The following PRR5L variants were observed in gnomAD, a reference collection of about 807,000 sequenced individuals.
The protein encoded by PRR5L is proline-rich protein 5-like.
In PRR5L, 21 loss-of-function variants were observed where a neutral mutation model predicts 36.4. The observed-to-expected ratio is 0.58, with a 90% confidence interval of 0.41 to 0.83. The LOEUF (loss-of-function observed/expected upper bound fraction) is 0.83. Ranked by LOEUF, PRR5L falls within the 40% of genes least tolerant of loss-of-function variation. The pLI is 0.00. For synonymous variants in PRR5L, 188 were observed against 197.0 expected, an observed-to-expected ratio of 0.95 and a Z score of 0.38; for missense variants, 381 against 473.3, an observed-to-expected ratio of 0.80 and a Z score of 1.81.
At chr11:36,450,301 A>T (rs954232487) in intron 7 of PRR5L, among the ~76,000 whole-genome samples, 2 of 152,150 alleles carry the variant, frequency 1.3e-5, no homozygotes, top group Non-Finnish European at 2.9e-5. Context: ...TTTGCATGTT[A>T]ACCCCTTGGG....
chr11:36,374,100 T>G (rs796742818), intron 1 of PRR5L, among the ~76,000 whole-genome samples: 12,590 of 83,102 alleles, frequency 0.15, 790 homozygotes, highest in Non-Finnish European at 0.17. Context: ...CTTCCTTCCT[T>G]CCTTCCTCTC....
chr11:36,337,178 C>A (rs1265059040), intron 1 of PRR5L, among the ~76,000 whole-genome samples: 2 of 152,056 alleles, frequency 1.3e-5, no homozygotes, highest in African/African-American at 4.8e-5. Context: ...ATGGGTCATC[C>A]CCCCAAAATT....
chr11:36,339,637 T>A (rs1004711521), intron 1 of PRR5L, among the ~76,000 whole-genome samples: 1 of 152,210 alleles, frequency 6.6e-6, no homozygotes, highest in Non-Finnish European at 1.5e-5. Context: ...AGAGGTTAAG[T>A]TACTTGCCCA....
intron 3 of PRR5L, among the ~76,000 whole-genome samples, chr11:36,417,399 C>A (rs1858167344): frequency 6.6e-6 from 1 of 152,182 alleles, no homozygotes; most frequent in Non-Finnish European, 1.5e-5. Context: ...TGTTTCCTGT[C>A]TGAGAGACAT....
chr11:36,323,343 G>A (rs988134494), intron 1 of PRR5L: 3 of 152,220 alleles, frequency 2.0e-5, no homozygotes, highest in African/African-American at 7.2e-5. Context: ...TGTGTTACCT[G>A]TTACCGACCT....
intron 1 of PRR5L, among the ~76,000 whole-genome samples, chr11:36,378,062 C>T (rs1857308043): frequency 6.6e-6 from 1 of 152,072 alleles, no homozygotes; most frequent in African/African-American, 2.4e-5. Context: ...CTTTGGTGAT[C>T]CTGACCACCG....
At position 36,401,016 on chromosome 11, in the gene PRR5L, T is replaced by A; in HGVS notation, c.-106T>A. 6.7e-7 allele frequency: 1 copy of A among 1,493,214 alleles called. No homozygotes were observed. Among genetic ancestry groups the A allele is most frequent in the Admixed American group, 2.4e-5 (1 of 41,362 alleles). 92.5% of individuals were successfully genotyped at this position (1,493,214 alleles called of 1,614,324 possible). ...TTTCAGGTGTTGGCTACGTTTGTGGTTTTAAGAAAGCCTGAGGGCCTGAAG... is the reference window on the plus strand; with the variant it reads ...TTTCAGGTGTTGGCTACGTTTGTGGATTTAAGAAAGCCTGAGGGCCTGAAG... On this transcript the variant is annotated 5_prime_UTR_variant, in exon 2 of 9. Transcript: ENST00000530639.
At chr11:36,329,758 A>G (rs953910780) in intron 1 of PRR5L, among the ~76,000 whole-genome samples, 3 of 152,244 alleles carry the variant, frequency 2.0e-5, no homozygotes, top group African/African-American at 7.2e-5. Flanking sequence ...AGAGCTTGCT[A>G]TCAGACTTCA....
intron 1 of PRR5L, among the ~76,000 whole-genome samples, chr11:36,317,940 A>G (rs1856574356): frequency 6.6e-6 from 1 of 152,250 alleles, no homozygotes; most frequent in Admixed American, 6.5e-5. Context: ...TCTGATAAAC[A>G]GAAGTCTCTA....
intron 1 of PRR5L, among the ~76,000 whole-genome samples, chr11:36,374,650 A>G (rs1289521441): frequency 6.6e-6 from 1 of 152,138 alleles, no homozygotes; most frequent in African/African-American, 2.4e-5. Flanking sequence ...GGCCCTAGGG[A>G]TAATGATAGG....
At chr11:36,374,328 C>T (rs1857231418) in intron 1 of PRR5L, among the ~76,000 whole-genome samples, 2 of 151,796 alleles carry the variant, frequency 1.3e-5, no homozygotes, top group South Asian at 2.1e-4. Context: ...CTCCTGACCT[C>T]GTGATCTATC....
At chr11:36,397,443 CTTTTTTT>C (rs34024197) in intron 1 of PRR5L, among the ~76,000 whole-genome samples, 1 of 35,076 alleles carries the variant, frequency 2.9e-5, no homozygotes, top group Non-Finnish European at 4.9e-5. Flanking sequence ...CAGCCGATGC[CTTTTTTT>C]TTTTTTTTTT....
At position 36,344,071 on chromosome 11, in the gene PRR5L, G is replaced by T. The variant is rs577455216; in HGVS notation, c.-126+47633G>T. 3.9e-5 allele frequency among the ~76,000 whole-genome samples: 6 copies of T among 152,128 alleles called. No homozygotes were observed. Among genetic ancestry groups the T allele is most frequent in the Non-Finnish European group, 7.4e-5 (5 of 67,986 alleles). ...GTCTCTACTAAAAATACAAAAATTA[G>T]CCAGGTGTGGTGGCATGTGCCTGTT... On this transcript the variant is annotated intron_variant, in intron 1 of 8. Transcript: ENST00000530639. The surrounding 1 kb of genome is among the most constrained non-coding windows in gnomAD (Gnocchi z 4.1).
intron 1 of PRR5L, among the ~76,000 whole-genome samples, chr11:36,299,224 C>T (rs376866586): frequency 1.3e-5 from 2 of 152,292 alleles, no homozygotes; most frequent in African/African-American, 2.4e-5. Flanking sequence ...AAAGCTACCA[C>T]GTTCTCTCCA....
chr11:36,405,665 G>A (rs1857894024), intron 3 of PRR5L, among the ~76,000 whole-genome samples: 1 of 152,238 alleles, frequency 6.6e-6, no homozygotes, highest in Non-Finnish European at 1.5e-5. Flanking sequence ...TTAGATACCT[G>A]TAGTAGTCTA....
At chr11:36,325,039 G>A (rs1034023705) in intron 1 of PRR5L, among the ~76,000 whole-genome samples, 2 of 152,140 alleles carry the variant, frequency 1.3e-5, no homozygotes, top group African/African-American at 4.8e-5. Context: ...CCAAAATGGC[G>A]GCAGGTCGCT....
intron 6 of PRR5L, among the ~76,000 whole-genome samples, 160 bp downstream of exon 6, chr11:36,437,636 A>G (rs1392466405): frequency 6.6e-6 from 1 of 152,228 alleles, no homozygotes; most frequent in Non-Finnish European, 1.5e-5. Context: ...CTCTGGTTCT[A>G]TATTTAGGGC....
chr11:36,317,636 A>T (rs1856571141), intron 1 of PRR5L, among the ~76,000 whole-genome samples: 1 of 152,210 alleles, frequency 6.6e-6, no homozygotes, highest in African/African-American at 2.4e-5. Context: ...CATGTTCAGC[A>T]AGTACTAAAC....
At chr11:36,442,296 A>G (rs1258119049) in intron 6 of PRR5L, among the ~76,000 whole-genome samples, 1 of 151,552 alleles carries the variant, frequency 6.6e-6, no homozygotes, top group Non-Finnish European at 1.5e-5. Context: ...TCCTGATCTT[A>G]GGCTGTTCGA....
Sources: gnomAD v4.1 joint callset for allele counts (sites outside exome capture counted in the v4.1 genomes callset) on GRCh38, gnomAD v4.1.1 for gene constraint, Gnocchi (gnomAD v3.1) non-coding constraint, MANE v1.5 for transcripts, NCBI Gene and HGNC (gene_info 2026-07-23, HGNC 2026-07-21) for gene names.